GREB1: variants seen among roughly 807,000 people sequenced by gnomAD.
The protein encoded by GREB1 is growth regulating estrogen receptor binding 1, also known as protein GREB1.
Under a neutral mutation model 200.7 loss-of-function variants are expected in GREB1, and 106 were observed. That is an observed-to-expected ratio of 0.53 (90% CI 0.45 to 0.62). The LOEUF (loss-of-function observed/expected upper bound fraction) is 0.62. Ranked by LOEUF, GREB1 falls within the 20% of genes least tolerant of loss-of-function variation. The pLI, the probability that GREB1 is intolerant of heterozygous loss-of-function variation, is 0.00. For synonymous variants in GREB1, 1,132 were observed against 1,092.4 expected (o/e 1.04, Z -0.72); for missense variants, 2,243 against 2,556.8 (o/e 0.88, Z 2.65).
At chr2:11,621,037 T>A (rs1558650803) in intron 23 of GREB1, 30 bp downstream of exon 23, 11 of 1,214,292 alleles carry the variant, frequency 9.1e-6, no homozygotes, top group Admixed American at 1.7e-5. Flanking sequence ...TTATGTGGGC[T>A]TGGAGCCACC....
chr2:11,618,953 G>A, intron 22 of GREB1, 34 bp downstream of exon 22: 1 of 1,448,658 alleles, frequency 6.9e-7, no homozygotes, highest in South Asian at 1.4e-5. Flanking sequence ...CACAGCCCCG[G>A]ACTGGGGGGG....
rs147110230 is a variant in GREB1 at position 11,580,129 on chromosome 2, G to A, written c.773-575G>A. Among the ~76,000 whole-genome samples the A allele has an allele frequency of 3.2e-4, 48 of 152,228 alleles. No homozygotes were observed. Among genetic ancestry groups the A allele is most frequent in the Non-Finnish European group, 5.1e-4 (35 of 68,024 alleles). ...TCTCGTGAGACTTCTTCACTATCAC[G>A]AGAACAGTATGGGGGAAACCACCCC... On this transcript the variant is annotated intron_variant, in intron 6 of 32. Coordinates refer to ENST00000381486, the MANE Select transcript of GREB1 (RefSeq NM_014668.4). The surrounding 1 kb of genome is among the most constrained non-coding windows in gnomAD (Gnocchi z 4.5).
At chr2:11,579,072 C>T (rs113810884) in intron 6 of GREB1, among the ~76,000 whole-genome samples, 3,012 of 152,308 alleles carry the variant, frequency 0.02, 98 homozygotes, top group African/African-American at 0.068. Flanking sequence ...TTCCCGAGGA[C>T]GCAGGAAGGT....
In GREB1 at chr2:11,580,816, G is replaced by A. The variant is rs779571742; in HGVS notation, c.885G>A (p.Pro295=). 1.4e-5 allele frequency: 22 copies of A among 1,614,102 alleles called. No individual in the cohort carries two copies. The highest frequency in any genetic ancestry group is 8.3e-5 in the Admixed American group (5 of 60,018). ...CAAAGAATAACCTGTTGGCCCTGCC[G>A]CGACCATCGGCTTTAGGTAGCTCTG... ...QLAKNNLLAL[P]RPSALGILSN... The change falls in exon 7 of 33, where the codon CCG becomes CCA. Residue 295 remains proline, a synonymous_variant. Coordinates refer to ENST00000381486, the MANE Select transcript of GREB1 (RefSeq NM_014668.4). The surrounding 1 kb of genome is among the most constrained non-coding windows in gnomAD (Gnocchi z 4.5).
At position 11,616,705 on chromosome 2, in the gene GREB1, T is replaced by G. The variant is rs1418682451; in HGVS notation, c.3397T>G (p.Ser1133Ala). 6.2e-7 allele frequency: 1 copy of G among 1,608,484 alleles called. No individual in the cohort carries two copies. The highest frequency in any genetic ancestry group is 2.2e-5 in the East Asian group (1 of 44,858). Residue 1133 changes from serine to alanine, a missense_variant, in exon 21 of 33, where the codon TCC (serine) becomes GCC (alanine). Ser to Ala is a moderately conservative substitution (Grantham distance 99). Coordinates refer to ENST00000381486, the MANE Select transcript of GREB1 (RefSeq NM_014668.4). Reference protein sequence around the residue: ...RSHDSASSSLSSKASGSALGG... With the variant: ...RSHDSASSSLASKASGSALGG... Reference sequence around the variant, plus strand: ...CCACGACTCAGCATCCTCATCCCTCTCCTCCAAGGCTTCCGGTGAGTCTTC... The same window carrying G: ...CCACGACTCAGCATCCTCATCCCTCGCCTCCAAGGCTTCCGGTGAGTCTTC...
At chr2:11,512,633 G>A (rs1362650302) in intron 1 of GREB1, among the ~76,000 whole-genome samples, 1 of 152,190 alleles carries the variant, frequency 6.6e-6, no homozygotes, top group Non-Finnish European at 1.5e-5. Context: ...GGGTTGGGCT[G>A]TGTGCTCCAC....
At chr2:11,549,386 CG>C (rs1313290050) in intron 1 of GREB1, among the ~76,000 whole-genome samples, 1 of 151,138 alleles carries the variant, frequency 6.6e-6, no homozygotes, top group Non-Finnish European at 1.5e-5. Flanking sequence ...TACTTTAAGA[CG>C]AAAAAAAAGA....
Position 11,585,878 on chromosome 2 carries a change from T to C in GREB1, c.1132T>C (p.Cys378Arg). ...VSVPDNLLKI[C>R]KAKPVIFKGH... ...TGTTCCTGACAACTTGCTGAAAATA[T>C]GCAAGGCCAAGCCAGTGATATTTAA... The change falls in exon 9 of 33, where the codon TGC becomes CGC. Residue 378 changes from cysteine to arginine, a missense_variant. Physicochemically the swap from Cys to Arg is radical, Grantham distance 180. This residue lies in a region of GREB1 where 1,178 missense variants were observed against 1,387.4 expected (regional missense o/e 0.85). Transcript: ENST00000381486. 1.9e-6 allele frequency: 3 copies of C among 1,614,004 alleles called. No homozygotes were observed. The highest frequency in any genetic ancestry group is 1.7e-6 in the Non-Finnish European group (2 of 1,180,036).
rs376561295 is a variant in GREB1 at position 11,632,505 on chromosome 2, A to G, written c.4817-384A>G. Among the ~76,000 whole-genome samples the G allele has an allele frequency of 4.9e-4, 74 of 151,822 alleles. No individual in the cohort carries two copies. In the East Asian group the frequency reaches 0.01, roughly 21 times the overall value. ...AGGCGCCAGCCATGACGCCCGGCTA[A>G]TTTTTGTGTTTTTGTAGAGACGGGG... On this transcript the variant is annotated intron_variant, in intron 27 of 32. Coordinates refer to ENST00000381486, the MANE Select transcript of GREB1 (RefSeq NM_014668.4).
intron 4 of GREB1, among the ~76,000 whole-genome samples, chr2:11,574,045 T>A (rs765420423): frequency 2.6e-5 from 4 of 152,260 alleles, no homozygotes; most frequent in Non-Finnish European, 5.9e-5. Context: ...TAGGCAGCAG[T>A]TGAGCTGGGT....
chr2:11,504,876 A>G lies in GREB1; in HGVS notation c.-159+22495A>G, dbSNP rs533882841. 1.1e-4 allele frequency among the ~76,000 whole-genome samples: 16 copies of G among 152,310 alleles called. No individual in the cohort carries two copies. The South Asian group carries it at 2.9e-3, about 28-fold the overall frequency. The stretch of plus-strand genomic sequence containing the variant: ...CAGACACAGCACTTTGGGCCACCTT[A>G]TTGGCTCTGAGTAACAACTGCCTTG... On this transcript the variant is annotated intron_variant, in intron 1 of 2. Transcript: ENST00000628795.
intron 1 of GREB1, among the ~76,000 whole-genome samples, chr2:11,515,208 CTCAT>C (rs1673459610): frequency 6.6e-6 from 1 of 152,180 alleles, no homozygotes; most frequent in African/African-American, 2.4e-5. Context: ...CACCCACTCA[CTCAT>C]TCAGTCTTTC....
At position 11,597,313 on chromosome 2, in the gene GREB1, A is replaced by T. The variant is rs1161934296; in HGVS notation, c.1955-468A>T. ...TCATTTAATCTTGAATTGCACATCC[A>T]TCACTGTCTCTGAGGTGATAGATTT... On this transcript the variant is annotated intron_variant, in intron 13 of 32. Transcript: ENST00000381486. The surrounding 1 kb of genome is among the most constrained non-coding windows in gnomAD (Gnocchi z 4.1). 6.6e-6 allele frequency among the ~76,000 whole-genome samples: 1 copy of T among 152,122 alleles called. No individual in the cohort carries two copies. Among genetic ancestry groups the T allele is most frequent in the Non-Finnish European group, 1.5e-5 (1 of 67,988 alleles).
chr2:11,592,187 C>CTT lies in GREB1; in HGVS notation c.1346-574_1346-573dup, dbSNP rs60260708. On this transcript the variant is annotated intron_variant, in intron 10 of 32. Coordinates refer to ENST00000381486, the MANE Select transcript of GREB1 (RefSeq NM_014668.4). The stretch of plus-strand genomic sequence containing the variant: ...AATTTGGCTTCCTACTTTTTTTTTT[C>CTT]TTTTTTTTTTTTTTTTAACAACAGC... The CTT allele has an allele frequency of 2.2e-3, 680 of 311,404 alleles. 2 individuals are homozygous for CTT. Among genetic ancestry groups the CTT allele is most frequent in the African/African-American group, 7.3e-3 (251 of 34,592 alleles). The allele number at this position is 311,404 out of a possible 1,614,324, so 19.3% of individuals were successfully genotyped here. A position where few individuals can be genotyped will look rare whatever the true frequency, so the allele number is the denominator to read the frequency against.
intron 30 of GREB1, 118 bp downstream of exon 30, chr2:11,635,523 G>A (rs1259420105): frequency 5.1e-6 from 6 of 1,180,890 alleles, no homozygotes; most frequent in African/African-American, 1.5e-5. Context: ...ATGGGGCAGG[G>A]CCCTACTGGG....
chr2:11,550,108 A>G (rs950322634), intron 1 of GREB1, among the ~76,000 whole-genome samples: 5 of 151,942 alleles, frequency 3.3e-5, no homozygotes, highest in African/African-American at 9.7e-5. Flanking sequence ...AATCCCAGCT[A>G]CTCGGAGGCT....
intron 21 of GREB1, among the ~76,000 whole-genome samples, chr2:11,617,184 C>T (rs1053861605): frequency 2.6e-5 from 4 of 152,256 alleles, no homozygotes; most frequent in African/African-American, 4.8e-5. Flanking sequence ...GTAGCCACAG[C>T]CACAGCGGGT....
At position 11,594,832 on chromosome 2, in the gene GREB1, A is replaced by G. The variant is rs1418561958; in HGVS notation, c.1697-419A>G. ...CTCAGCCTCCTGAGTGGCTGGGACTACAAGGCACCCGCCACCACACCCGGC... is the reference window on the plus strand; with the variant it reads ...CTCAGCCTCCTGAGTGGCTGGGACTGCAAGGCACCCGCCACCACACCCGGC... On this transcript the variant is annotated intron_variant, in intron 11 of 32. Transcript: ENST00000381486. 2.0e-5 allele frequency among the ~76,000 whole-genome samples: 3 copies of G among 152,100 alleles called. No individual in the cohort carries two copies. In the East Asian group the frequency reaches 5.8e-4, roughly 29 times the overall value.
rs377064782 is a variant in GREB1, at chr2:11,611,515, C to T, written c.3006+488C>T. Among the ~76,000 whole-genome samples the T allele has an allele frequency of 6.0e-4, 92 of 152,246 alleles. No individual in the cohort carries two copies. The East Asian group carries it at 0.016, about 26-fold the overall frequency. On this transcript the variant is annotated intron_variant, in intron 18 of 32. Coordinates refer to ENST00000381486, the MANE Select transcript of GREB1 (RefSeq NM_014668.4). ...TTTTAAAATTTTCTCCATGTTGCCC[C>T]GGCTGATCTCAAACTCCTGAGTTCA...
Sources: gnomAD v4.1 joint callset for allele counts (sites outside exome capture counted in the v4.1 genomes callset) on GRCh38, gnomAD v4.1.1 for gene constraint, gnomAD v4.1.1 regional missense constraint, Gnocchi (gnomAD v3.1) non-coding constraint, MANE v1.5 for transcripts, NCBI Gene and HGNC (gene_info 2026-07-23, HGNC 2026-07-21) for gene names.